CACNA2D4: variants seen among roughly 807,000 people sequenced by gnomAD.
CACNA2D4 encodes the protein calcium voltage-gated channel auxiliary subunit alpha2delta 4.
In CACNA2D4, 157 loss-of-function variants were observed where a neutral mutation model predicts 163.8. The ratio of observed to expected loss-of-function variants is 0.96; its 90% CI spans 0.84 to 1.09. The LOEUF (loss-of-function observed/expected upper bound fraction) is 1.09. Ranked by LOEUF, CACNA2D4 falls within the 50% of genes least tolerant of loss-of-function variation. The pLI, the probability that CACNA2D4 is intolerant of heterozygous loss-of-function variation, is 0.00. For missense variants in CACNA2D4, 1,410 were observed against 1,479.9 expected (o/e 0.95, Z 0.78); for synonymous variants, 598 against 586.9 (o/e 1.02, Z -0.27).
intron 26 of CACNA2D4, among the ~76,000 whole-genome samples, chr12:1,825,655 G>T (rs1864282918): frequency 6.6e-6 from 1 of 152,242 alleles, no homozygotes; most frequent in South Asian, 2.1e-4. Flanking sequence ...TAGCTGCACA[G>T]CTCTCTGTGG....
intron 35 of CACNA2D4, among the ~76,000 whole-genome samples, chr12:1,797,094 G>T (rs1326534662): frequency 6.6e-6 from 1 of 152,226 alleles, no homozygotes; most frequent in African/African-American, 2.4e-5. Context: ...GGGCCCACTC[G>T]CCCAGAGACG....
intron 4 of CACNA2D4, among the ~76,000 whole-genome samples, chr12:1,909,192 T>TTATC (rs1399846673): frequency 6.6e-6 from 1 of 152,098 alleles, no homozygotes; most frequent in Non-Finnish European, 1.5e-5. Flanking sequence ...ATTTATTTGT[T>TTATC]TATTTATTTA....
At chr12:1,810,442 A>G in intron 28 of CACNA2D4, 101 bp downstream of exon 28, 1 of 1,515,402 alleles carries the variant, frequency 6.6e-7, no homozygotes, top group Non-Finnish European at 9.0e-7. Flanking sequence ...GCTTCACTGC[A>G]GGGAAGGAGG....
chr12:1,879,426 G>T (rs1565725584), intron 14 of CACNA2D4, among the ~76,000 whole-genome samples: 1 of 152,148 alleles, frequency 6.6e-6, no homozygotes, highest in East Asian at 1.9e-4. Flanking sequence ...GAAGGCTCAA[G>T]AAATCCCCTC....
intron 23 of CACNA2D4, among the ~76,000 whole-genome samples, chr12:1,848,858 T>C (rs1347558786): frequency 6.6e-6 from 1 of 152,194 alleles, no homozygotes; most frequent in Non-Finnish European, 1.5e-5. Context: ...TCCTCTCGCC[T>C]GAGCCTGCCA....
chr12:1,812,358 C>T (rs1372578361), intron 26 of CACNA2D4, among the ~76,000 whole-genome samples: 1 of 152,234 alleles, frequency 6.6e-6, no homozygotes, highest in Non-Finnish European at 1.5e-5. Context: ...GATGACTGTG[C>T]TTACAAGGGC....
chr12:1,818,141 G>C (rs1384612121), intron 26 of CACNA2D4, among the ~76,000 whole-genome samples: 1 of 149,762 alleles, frequency 6.7e-6, no homozygotes, highest in Non-Finnish European at 1.5e-5. Flanking sequence ...CCGCGACCCC[G>C]TCTGGGAAGT....
intron 26 of CACNA2D4, among the ~76,000 whole-genome samples, chr12:1,824,590 G>A (rs1430583442): frequency 6.6e-6 from 1 of 152,216 alleles, no homozygotes. Context: ...GAGGCCATGG[G>A]ACTTGCAGAC....
At chr12:1,887,308 G>A (rs1592735481) in intron 6 of CACNA2D4, among the ~76,000 whole-genome samples, 1 of 152,228 alleles carries the variant, frequency 6.6e-6, no homozygotes, top group South Asian at 2.1e-4. Flanking sequence ...GGACCACATA[G>A]GTGGTGCCTG....
rs1359077554 is a variant in CACNA2D4 at position 1,907,879 on chromosome 12, G to A, written c.645C>T (p.Asn215=). The part of the protein sequence containing the change: ...SSVQLPTNVY[N]KDPDILNGVY... ...TGAGCTGAGCGTGCCGGCTACCTTT[G>A]TTGTACACGTTGGTGGGCAGCTGCA... The change falls in exon 5 of 38, where the codon AAC becomes AAT. Residue 215 remains asparagine (N), a synonymous_variant. Coordinates refer to ENST00000382722, the MANE Select transcript of CACNA2D4 (RefSeq NM_172364.5). 1 of 1,614,032 alleles carries A rather than the reference G, an allele frequency of 6.2e-7. No individual in the cohort carries two copies. Among genetic ancestry groups the A allele is most frequent in the Admixed American group, 1.7e-5 (1 of 60,034 alleles).
chr12:1,841,542 TG>T (rs1209309121), intron 25 of CACNA2D4, among the ~76,000 whole-genome samples: 1 of 152,214 alleles, frequency 6.6e-6, no homozygotes, highest in African/African-American at 2.4e-5. Flanking sequence ...TGGTTCTGAC[TG>T]GGGCTGGCTA....
intron 26 of CACNA2D4, 104 bp from the exon 27 acceptor site, chr12:1,811,827 G>C (rs1863722297): frequency 6.0e-6 from 7 of 1,163,066 alleles, no homozygotes; most frequent in Non-Finnish European, 8.8e-6. Context: ...ACTGAGGAGA[G>C]AGACCGCAGC....
At chr12:1,881,847 G>C (rs1428568127) in intron 13 of CACNA2D4, among the ~76,000 whole-genome samples, 1 of 152,234 alleles carries the variant, frequency 6.6e-6, no homozygotes, top group East Asian at 1.9e-4. Flanking sequence ...TCCCAAATTT[G>C]GCCAGATGGC....
intron 6 of CACNA2D4, among the ~76,000 whole-genome samples, chr12:1,902,417 AG>A (rs2154451332): frequency 6.6e-6 from 1 of 152,204 alleles, no homozygotes; most frequent in Non-Finnish European, 1.5e-5. Context: ...GAAAGGAATA[AG>A]TCAAATTATC....
chr12:1,841,422 G>T (rs1322480021), intron 25 of CACNA2D4, among the ~76,000 whole-genome samples: 1 of 152,242 alleles, frequency 6.6e-6, no homozygotes, highest in Non-Finnish European at 1.5e-5. Context: ...GCTCCTGAAG[G>T]CCACAGGGCT....
At chr12:1,910,647 C>T (rs963036169) in intron 3 of CACNA2D4, among the ~76,000 whole-genome samples, 1 of 152,160 alleles carries the variant, frequency 6.6e-6, no homozygotes, top group South Asian at 2.1e-4. Flanking sequence ...GGGCTATGCA[C>T]ACAATGGAAT....
Position 1,878,876 on chromosome 12 carries a change from G to A in CACNA2D4, c.1644+80C>T. The A allele has an allele frequency of 7.4e-7, 1 of 1,355,766 alleles. No homozygotes were observed. The highest frequency in any genetic ancestry group is 1.0e-6 in the Non-Finnish European group (1 of 970,738). 84.0% of individuals were successfully genotyped at this position (1,355,766 alleles called of 1,614,324 possible). A position where few individuals can be genotyped will look rare whatever the true frequency, so the allele number is the denominator to read the frequency against. ...CCCCAGCTCTGGGCTTGGCTTGCCT[G>A]GAGAGAGGCTCCCATCACGGGGGAG... On this transcript the variant is annotated intron_variant, in intron 15 of 37. Transcript: ENST00000382722. This position sits in a 1 kb window ranked among gnomAD's most constrained non-coding sequence, Gnocchi z 4.6.
rs190965702 is a variant in CACNA2D4 at position 1,893,100 on chromosome 12, A to G, written c.782-6031T>C. Among the ~76,000 whole-genome samples the G allele has an allele frequency of 3.7e-4, 56 of 152,324 alleles. 1 individual carries two copies. The East Asian group carries it at 0.011, about 29-fold the overall frequency. On this transcript the variant is annotated intron_variant, in intron 6 of 37. Coordinates refer to ENST00000382722, the MANE Select transcript of CACNA2D4 (RefSeq NM_172364.5). ...ATGTAGATAATTTAGACAGAAAATTACCAAAAAAAATGGATTTAAACTGCA... is the reference window on the plus strand; with the variant it reads ...ATGTAGATAATTTAGACAGAAAATTGCCAAAAAAAATGGATTTAAACTGCA...
chr12:1,857,414 G>A (rs1592714688), intron 20 of CACNA2D4, among the ~76,000 whole-genome samples: 2 of 152,336 alleles, frequency 1.3e-5, no homozygotes, highest in East Asian at 3.9e-4. Context: ...TTTCTAGGAA[G>A]ATCCCTCTGG....
Sources: gnomAD v4.1 joint callset for allele counts (sites outside exome capture counted in the v4.1 genomes callset) on GRCh38, gnomAD v4.1.1 for gene constraint, Gnocchi (gnomAD v3.1) non-coding constraint, MANE v1.5 for transcripts, NCBI Gene and HGNC (gene_info 2026-07-23, HGNC 2026-07-21) for gene names.